The following COLEC12 variants were observed in gnomAD, a reference collection of about 807,000 sequenced individuals.
COLEC12 encodes collectin-12.
A neutral mutation model predicts 71.1 loss-of-function variants in COLEC12; 33 were observed. The observed-to-expected ratio is 0.46, with a 90% CI of 0.35 to 0.62. The LOEUF is 0.62. Ranked by LOEUF, COLEC12 falls within the 20% of genes least tolerant of loss-of-function variation. COLEC12 has a pLI of 0.00. For synonymous variants in COLEC12, 350 were observed against 353.0 expected (o/e 0.99, Z 0.10); for missense variants, 765 against 916.1 (o/e 0.84, Z 2.13).
chr18:432,397 A>G (rs1916321673), intron 2 of COLEC12, among the ~76,000 whole-genome samples: 1 of 152,106 alleles, frequency 6.6e-6, no homozygotes, highest in Non-Finnish European at 1.5e-5. Context: ...CTAGGAATCC[A>G]TCCTCAGCTC....
At chr18:388,342 G>A (rs1236576284) in intron 2 of COLEC12, among the ~76,000 whole-genome samples, 1 of 152,078 alleles carries the variant, frequency 6.6e-6, no homozygotes, top group African/African-American at 2.4e-5. Context: ...TGATGTTTCA[G>A]TCAGAGTTAT....
intron 8 of COLEC12, 30 bp from the exon 9 acceptor site, chr18:321,837 T>C (rs1436834898): frequency 1.2e-6 from 2 of 1,609,732 alleles, no homozygotes; most frequent in African/African-American, 1.3e-5. Flanking sequence ...TGAATGTTAT[T>C]TGCACAGTAA....
chr18:396,665 C>T (rs556883477), intron 2 of COLEC12, among the ~76,000 whole-genome samples: 9 of 152,392 alleles, frequency 5.9e-5, no homozygotes, highest in Admixed American at 5.9e-4. Context: ...AACGTGTCCC[C>T]TCCAGATGGA....
intron 2 of COLEC12, among the ~76,000 whole-genome samples, chr18:457,102 CTTAA>C (rs1916888517): frequency 6.6e-6 from 1 of 152,210 alleles, no homozygotes; most frequent in Admixed American, 6.5e-5. Context: ...TGCTCTTCCT[CTTAA>C]TTAATCTTAA....
intron 1 of COLEC12, among the ~76,000 whole-genome samples, chr18:498,746 G>A (rs921046512): frequency 7.2e-5 from 11 of 152,080 alleles, no homozygotes; most frequent in African/African-American, 2.7e-4. Context: ...CAACCTCCCC[G>A]ACTGGGGCGG....
intron 2 of COLEC12, among the ~76,000 whole-genome samples, 196 bp from the exon 3 acceptor site, chr18:357,718 C>T (rs979436704): frequency 6.6e-6 from 1 of 152,240 alleles, no homozygotes; most frequent in South Asian, 2.1e-4. Context: ...ATTGTTATAG[C>T]TGTATTTAAT....
At position 323,175 on chromosome 18, in the gene COLEC12, A is replaced by G. The variant is rs1296641066; in HGVS notation, c.2064-1368T>C. ...AGGAGGTGGAGGTTTGCAGTGAGCC[A>G]AGATCATGCCACTGCACTCCAGCCT... On this transcript the variant is annotated intron_variant, in intron 8 of 9. Coordinates refer to ENST00000400256, the MANE Select transcript of COLEC12 (RefSeq NM_130386.3). 3.3e-5 allele frequency among the ~76,000 whole-genome samples: 5 copies of G among 152,178 alleles called. No individual in the cohort carries two copies. In the South Asian group the frequency reaches 8.3e-4, roughly 25 times the overall value.
rs1598328519 is a variant in COLEC12 at position 334,481 on chromosome 18, AGCTG to A, written c.1816+257_1816+260del. 4 of 291,338 alleles carry A rather than the reference AGCTG, an allele frequency of 1.4e-5. No individual in the cohort carries two copies. In the East Asian group the frequency reaches 2.2e-4, roughly 16 times the overall value. 18.0% of individuals were successfully genotyped at this position (291,338 alleles called of 1,614,324 possible). On this transcript the variant is annotated intron_variant, in intron 6 of 9. Coordinates refer to ENST00000400256, the MANE Select transcript of COLEC12 (RefSeq NM_130386.3). ...CCTCTCTACTAAAAATACAAAAATT[AGCTG>A]GCTGTGGGGGCACACGCTTGTAGTC...
At chr18:328,407 C>T (rs934381852) in intron 8 of COLEC12, among the ~76,000 whole-genome samples, 1 of 152,170 alleles carries the variant, frequency 6.6e-6, no homozygotes. Flanking sequence ...ATGCAGAGAA[C>T]GTTTTTCTTG....
intron 2 of COLEC12, among the ~76,000 whole-genome samples, chr18:360,643 G>C (rs1281617697): frequency 6.6e-6 from 1 of 152,196 alleles, no homozygotes; most frequent in African/African-American, 2.4e-5. Flanking sequence ...GATTCAGTGG[G>C]TCTGAGGGAG....
At chr18:377,810 CAGA>C (rs544727007) in intron 2 of COLEC12, among the ~76,000 whole-genome samples, 47 of 151,856 alleles carry the variant, frequency 3.1e-4, no homozygotes, top group African/African-American at 1.1e-3. Flanking sequence ...GGGCCTGGAT[CAGA>C]AGGACACCAC....
intron 2 of COLEC12, among the ~76,000 whole-genome samples, chr18:445,309 G>A (rs2170162): frequency 0.22 from 34,055 of 152,048 alleles, 3,836 homozygotes; most frequent in East Asian, 0.28. Flanking sequence ...CTACCATTTC[G>A]CAACTTTGCT....
At chr18:422,555 G>A (rs929137935) in intron 2 of COLEC12, among the ~76,000 whole-genome samples, 4 of 151,932 alleles carry the variant, frequency 2.6e-5, no homozygotes, top group Non-Finnish European at 5.9e-5. Flanking sequence ...CAATATATAA[G>A]GTAAAAATGT....
At chr18:406,447 T>C (rs1756346751) in intron 2 of COLEC12, among the ~76,000 whole-genome samples, 1 of 134,922 alleles carries the variant, frequency 7.4e-6, no homozygotes, top group Non-Finnish European at 1.5e-5. Context: ...AAGCGGAGCT[T>C]GCAGTGAGCC....
At chr18:465,269 A>C (rs1193075162) in intron 2 of COLEC12, among the ~76,000 whole-genome samples, 1 of 151,976 alleles carries the variant, frequency 6.6e-6, no homozygotes, top group Non-Finnish European at 1.5e-5. Flanking sequence ...CACCTGGATA[A>C]TTTTTGTATT....
chr18:369,512 ATATG>A (rs1290128562), intron 2 of COLEC12, among the ~76,000 whole-genome samples: 1 of 147,244 alleles, frequency 6.8e-6, no homozygotes, highest in Non-Finnish European at 1.5e-5. Flanking sequence ...GGTTAGTTAC[ATATG>A]TATACATGTG....
At chr18:348,270 CG>C in intron 3 of COLEC12, 107 bp from the exon 4 acceptor site, 4 of 653,964 alleles carry the variant, frequency 6.1e-6, no homozygotes, top group Non-Finnish European at 5.3e-6. Flanking sequence ...ACAGATTGAA[CG>C]AAAACAGTGT....
At chr18:440,266 G>A (rs555170487) in intron 2 of COLEC12, among the ~76,000 whole-genome samples, 16 of 152,000 alleles carry the variant, frequency 1.1e-4, no homozygotes, top group South Asian at 6.2e-4. Flanking sequence ...GAATAAGTTC[G>A]GAGGATCTAA....
At chr18:349,157 C>T (rs371699630) in intron 3 of COLEC12, among the ~76,000 whole-genome samples, 1 of 152,216 alleles carries the variant, frequency 6.6e-6, no homozygotes, top group Admixed American at 6.5e-5. Flanking sequence ...CCATCACTGG[C>T]CTGGAGGCCC....
Sources: gnomAD v4.1 joint callset for allele counts (sites outside exome capture counted in the v4.1 genomes callset) on GRCh38, gnomAD v4.1.1 for gene constraint, MANE v1.5 for transcripts, NCBI Gene and HGNC (gene_info 2026-07-23, HGNC 2026-07-21) for gene names.